MYO3A: variants seen among roughly 807,000 people sequenced by gnomAD.
MYO3A encodes myosin IIIA, also known as myosin-IIIa.
In MYO3A, 180 loss-of-function variants were observed where a neutral mutation model predicts 192.7. That is an observed-to-expected ratio of 0.93 (90% CI 0.83 to 1.06). The LOEUF is 1.06. Among genes scored for constraint, MYO3A ranks in the 50% least tolerant of loss-of-function variants. The pLI, the probability that MYO3A is intolerant of heterozygous loss-of-function variation, is 0.00. For missense variants in MYO3A, 1,896 were observed against 1,905.0 expected, an observed-to-expected ratio of 1.00 and a Z score of 0.09; for synonymous variants, 628 against 645.3, an observed-to-expected ratio of 0.97 and a Z score of 0.41.
At chr10:26,189,320 G>A (rs989955831) in intron 31 of MYO3A, among the ~76,000 whole-genome samples, 1 of 152,152 alleles carries the variant, frequency 6.6e-6, no homozygotes, top group Admixed American at 6.5e-5. Flanking sequence ...CACATTCTGA[G>A]CTACTGGAGG....
chr10:26,080,605 C>T (rs569038245), intron 14 of MYO3A, among the ~76,000 whole-genome samples: 6 of 20,086 alleles, frequency 3.0e-4, no homozygotes, highest in Non-Finnish European at 5.8e-4. Flanking sequence ...GGAGGCGGGG[C>T]GGGGGTGGGT....
At chr10:26,075,573 C>CAT (rs35076350) in intron 14 of MYO3A, among the ~76,000 whole-genome samples, 326 of 140,766 alleles carry the variant, frequency 2.3e-3, no homozygotes, top group African/African-American at 6.8e-3. Context: ...AATAGTCTCT[C>CAT]ATATATATAT....
chr10:26,020,546 T>C (rs1842247655), intron 7 of MYO3A, among the ~76,000 whole-genome samples: 1 of 152,238 alleles, frequency 6.6e-6, no homozygotes, highest in Non-Finnish European at 1.5e-5. Flanking sequence ...TTTACAGTAC[T>C]GTATTTAAAT....
rs748900224 is a variant in MYO3A, at chr10:26,070,312, G to A, written c.1276-6G>A. 1 of 1,612,720 alleles carries A rather than the reference G, an allele frequency of 6.2e-7. No individual in the cohort carries two copies. Among genetic ancestry groups the A allele is most frequent in the Admixed American group, 1.7e-5 (1 of 59,992 alleles). ...GTCTTCTCACAGTTTTCTTTTCTAT[G>A]TATAGTGCATTGTTATTTCTGGAGA... On this transcript the variant is annotated splice_polypyrimidine_tract_variant and splice_region_variant and intron_variant, in intron 13 of 34. Coordinates refer to ENST00000642920, the MANE Select transcript of MYO3A (RefSeq NM_017433.5).
chr10:26,120,626 G>T, intron 17 of MYO3A, 50 bp from the exon 18 acceptor site: 1 of 1,612,100 alleles, frequency 6.2e-7, no homozygotes, highest in South Asian at 1.1e-5. Flanking sequence ...GTCACTGGTT[G>T]GCTGTACTCA....
intron 32 of MYO3A, among the ~76,000 whole-genome samples, chr10:26,198,209 A>T (rs888911671): frequency 6.6e-6 from 1 of 152,056 alleles, no homozygotes; most frequent in Admixed American, 6.5e-5. Context: ...CCTTAAAATC[A>T]GTATTGCCTC....
At chr10:26,135,335 GAT>G (rs912235412) in intron 20 of MYO3A, among the ~76,000 whole-genome samples, 17 of 151,478 alleles carry the variant, frequency 1.1e-4, no homozygotes, top group Non-Finnish European at 2.1e-4. Flanking sequence ...TAATCTATTA[GAT>G]TATTAGGTTA....
chr10:26,109,493 C>A (rs1245079329), intron 17 of MYO3A, among the ~76,000 whole-genome samples: 1 of 152,280 alleles, frequency 6.6e-6, no homozygotes, highest in East Asian at 1.9e-4. Context: ...GCTACCTGCC[C>A]CTTAGCCAAT....
At chr10:26,030,846 T>C (rs1842771689) in intron 10 of MYO3A, among the ~76,000 whole-genome samples, 1 of 152,216 alleles carries the variant, frequency 6.6e-6, no homozygotes, top group African/African-American at 2.4e-5. Flanking sequence ...TGGGAGATAC[T>C]ATGGAATGGA....
chr10:26,127,495 G>A (rs1839285839), intron 19 of MYO3A, among the ~76,000 whole-genome samples: 1 of 152,080 alleles, frequency 6.6e-6, no homozygotes, highest in Admixed American at 6.5e-5. Context: ...GTCCATCCCA[G>A]CACATATTTA....
At chr10:26,113,007 A>G (rs970089741) in intron 17 of MYO3A, among the ~76,000 whole-genome samples, 2 of 152,146 alleles carry the variant, frequency 1.3e-5, no homozygotes, top group Non-Finnish European at 2.9e-5. Context: ...TTCTGTTTTA[A>G]TTGCGCTTTC....
chr10:26,134,592 T>G (rs189967598), intron 20 of MYO3A, among the ~76,000 whole-genome samples: 1 of 152,180 alleles, frequency 6.6e-6, no homozygotes, highest in South Asian at 2.1e-4. Flanking sequence ...ATAAACACCA[T>G]GTAAAGGGTA....
intron 2 of MYO3A, among the ~76,000 whole-genome samples, chr10:25,951,355 C>G (rs571322758): frequency 2.6e-5 from 4 of 152,032 alleles, no homozygotes; most frequent in Non-Finnish European, 5.9e-5. Context: ...GCTGGAGTAC[C>G]GAGGTGGTGC....
At chr10:25,980,597 A>T (rs1372628189) in intron 4 of MYO3A, among the ~76,000 whole-genome samples, 2 of 152,210 alleles carry the variant, frequency 1.3e-5, no homozygotes, top group Non-Finnish European at 2.9e-5. Flanking sequence ...GAATGATTTC[A>T]TTCTGGAGAA....
chr10:25,935,355 A>G (rs1017679554), intron 1 of MYO3A, among the ~76,000 whole-genome samples: 2 of 152,186 alleles, frequency 1.3e-5, no homozygotes, highest in Non-Finnish European at 2.9e-5. Context: ...TTAGAATGGA[A>G]ATTGGCCATA....
chr10:26,066,149 A>T lies in MYO3A; in HGVS notation c.954-826A>T, dbSNP rs183233183. On this transcript the variant is annotated intron_variant, in intron 10 of 34. Coordinates refer to ENST00000642920, the MANE Select transcript of MYO3A (RefSeq NM_017433.5). ...AAAAAAAAAAAAAAAAAAAAAGAGCAGTGGGCTTAGATAGGGGAACAGGCA... is the reference window on the plus strand; with the variant it reads ...AAAAAAAAAAAAAAAAAAAAAGAGCTGTGGGCTTAGATAGGGGAACAGGCA... 3.4e-3 allele frequency among the ~76,000 whole-genome samples: 508 copies of T among 150,052 alleles called. 60 individuals are homozygous for T. Among genetic ancestry groups the T allele is most frequent in the African/African-American group, 0.012 (489 of 40,786 alleles).
intron 20 of MYO3A, among the ~76,000 whole-genome samples, chr10:26,139,909 C>T (rs946454498): frequency 1.3e-5 from 2 of 152,036 alleles, no homozygotes; most frequent in African/African-American, 4.8e-5. Flanking sequence ...TCTACAAACA[C>T]GTTTCAGGTG....
intron 31 of MYO3A, among the ~76,000 whole-genome samples, chr10:26,180,633 G>A (rs945689752): frequency 5.9e-5 from 9 of 151,832 alleles, no homozygotes; most frequent in African/African-American, 2.2e-4. Context: ...ATAGAATTCA[G>A]TAAGGATGTA....
chr10:25,954,809 A>C, intron 3 of MYO3A, 65 bp from the exon 4 acceptor site: 1 of 1,501,516 alleles, frequency 6.7e-7, no homozygotes, highest in Non-Finnish European at 9.2e-7. Context: ...GTATTCTATA[A>C]TCTGTTTCTT....
Sources: gnomAD v4.1 joint callset for allele counts (sites outside exome capture counted in the v4.1 genomes callset) on GRCh38, gnomAD v4.1.1 for gene constraint, MANE v1.5 for transcripts, NCBI Gene and HGNC (gene_info 2026-07-23, HGNC 2026-07-21) for gene names.